Variants in TOPAZ1 observed in about 807,000 individuals in gnomAD.
The protein encoded by TOPAZ1 is protein TOPAZ1.
Under a neutral mutation model 172.2 loss-of-function variants are expected in TOPAZ1, and 66 were observed. The ratio of observed to expected loss-of-function variants is 0.38; its 90% confidence interval spans 0.31 to 0.47. The LOEUF (loss-of-function observed/expected upper bound fraction) is 0.47, where lower values mean the gene tolerates loss of function less well. Among genes scored for constraint, TOPAZ1 ranks in the 20% least tolerant of loss-of-function variants. The pLI is 0.99. For missense variants in TOPAZ1, 1,822 were observed against 1,972.4 expected (o/e 0.92, Z 1.44); for synonymous variants, 681 against 683.9 (o/e 1.00, Z 0.07).
chr3:44,242,437 G>T, intron 1 of TOPAZ1, 38 bp downstream of exon 1: 1 of 1,537,312 alleles, frequency 6.5e-7, no homozygotes. Flanking sequence ...TTTAGCCCTT[G>T]TACCTCAGCG....
chr3:44,302,490 C>T (rs930853341), intron 12 of TOPAZ1, among the ~76,000 whole-genome samples: 4 of 152,186 alleles, frequency 2.6e-5, no homozygotes, highest in South Asian at 2.1e-4. Context: ...TACTAAATTT[C>T]ATATACAATG....
chr3:44,248,448 A>T (rs1179639058), intron 2 of TOPAZ1, among the ~76,000 whole-genome samples: 1 of 152,176 alleles, frequency 6.6e-6, no homozygotes, highest in African/African-American at 2.4e-5. Context: ...AAACAAACTT[A>T]AACATTTTCT....
chr3:44,302,776 T>C (rs375971809), intron 12 of TOPAZ1, among the ~76,000 whole-genome samples: 6 of 152,338 alleles, frequency 3.9e-5, no homozygotes, highest in South Asian at 2.1e-4. Flanking sequence ...TTTTGGGTGC[T>C]ATTGTGAATG....
intron 17 of TOPAZ1, among the ~76,000 whole-genome samples, chr3:44,322,556 T>C (rs888463975): frequency 5.9e-5 from 9 of 152,192 alleles, no homozygotes; most frequent in African/African-American, 2.2e-4. Context: ...CTTTTTCGTT[T>C]CTGACTTAGA....
At position 44,242,173 on chromosome 3, in the gene TOPAZ1, C is replaced by CG. The variant is rs759018880; in HGVS notation, c.126dup (p.Cys43ValfsTer5). The CG allele has an allele frequency of 4.5e-6, 7 of 1,540,782 alleles. No individual in the cohort carries two copies. The highest frequency in any genetic ancestry group is 2.5e-5 in the East Asian group (1 of 40,358). On this transcript the variant is annotated frameshift_variant, in exon 1 of 20. Transcript: ENST00000309765. LOFTEE classifies it high-confidence loss of function. ...CGGCGGGAGGCTGTGGCCCTGAGGCCGGGGGGTGCCGGGAAAATAAGCAAA... is the reference window on the plus strand; with the variant it reads ...CGGCGGGAGGCTGTGGCCCTGAGGCCGGGGGGGTGCCGGGAAAATAAGCAAA...
In TOPAZ1 at chr3:44,331,986, A is replaced by C; in HGVS notation, c.5054A>C (p.Lys1685Thr). 6.5e-7 allele frequency: 1 copy of C among 1,550,266 alleles called. No homozygotes were observed. Among genetic ancestry groups the C allele is most frequent in the East Asian group, 2.4e-5 (1 of 40,868 alleles). Residue 1685 changes from lysine to threonine, a missense_variant, in exon 20 of 20, where the codon AAG (lysine) becomes ACG (threonine). Lys to Thr is a moderately conservative substitution (Grantham distance 78). Transcript: ENST00000309765. ...WLKENMKWAG[K>T]VWLFSNH ...AAAGAGAATATGAAGTGGGCTGGAA[A>C]GGTTTGGCTTTTCAGTAACCATTAG...
At chr3:44,259,229 T>G (rs936554187) in intron 4 of TOPAZ1, among the ~76,000 whole-genome samples, 10 of 147,998 alleles carry the variant, frequency 6.8e-5, no homozygotes, top group Admixed American at 6.7e-4. Flanking sequence ...TCCATCTTTT[T>G]GAGTGTAGAC....
Position 44,276,648 on chromosome 3 carries a change from TTTTTTCC to T in TOPAZ1, c.3373-5319_3373-5313del, listed in dbSNP as rs1329492791. On this transcript the variant is annotated intron_variant, in intron 8 of 19. Coordinates refer to ENST00000309765, the MANE Select transcript of TOPAZ1 (RefSeq NM_001145030.2). ...TCTTTTTTTTTTTTTTTTTTTTTTT[TTTTTTCC>T]AGAATTGCTTGGCCTATTCTGGCTC... Among the ~76,000 whole-genome samples, 34 of 64,064 alleles carry T rather than the reference TTTTTTCC, an allele frequency of 5.3e-4. No individual in the cohort carries two copies. The East Asian group carries it at 6.0e-3, about 11-fold the overall frequency. 42.0% of individuals were successfully genotyped at this position (64,064 alleles called of 152,430 possible).
chr3:44,305,746 T>G (rs1700329689), intron 14 of TOPAZ1, among the ~76,000 whole-genome samples: 1 of 152,200 alleles, frequency 6.6e-6, no homozygotes, highest in South Asian at 2.1e-4. Flanking sequence ...TTGAATATTT[T>G]CCATGTTGTG....
At chr3:44,246,538 C>G (rs778403394) in intron 2 of TOPAZ1, among the ~76,000 whole-genome samples, 8 of 151,994 alleles carry the variant, frequency 5.3e-5, no homozygotes, top group Non-Finnish European at 1.2e-4. Flanking sequence ...AATGGAGAAC[C>G]AAGAGTTTTA....
intron 2 of TOPAZ1, among the ~76,000 whole-genome samples, chr3:44,250,793 T>A (rs1378536887): frequency 2.2e-4 from 34 of 152,316 alleles, no homozygotes; most frequent in Admixed American, 2.2e-3. Context: ...GAAGAAACAT[T>A]ATTCTGATTT....
At chr3:44,250,773 T>A (rs1699621201) in intron 2 of TOPAZ1, among the ~76,000 whole-genome samples, 2 of 152,174 alleles carry the variant, frequency 1.3e-5, no homozygotes, top group African/African-American at 4.8e-5. Context: ...AAGTAGCAGG[T>A]GGGGACTATG....
rs1014306948 is a variant in TOPAZ1 at position 44,244,971 on chromosome 3, G to T, written c.2465G>T (p.Cys822Phe). 3.9e-6 allele frequency: 6 copies of T among 1,551,668 alleles called. No homozygotes were observed. The East Asian group carries it at 1.5e-4, about 38-fold the overall frequency. Residue 822 changes from cysteine (C) to phenylalanine (F), a missense_variant, in exon 2 of 20, where the codon TGC becomes TTC. Physicochemically the swap from Cys to Phe is radical, Grantham distance 205 (BLOSUM62 -2). Transcript: ENST00000309765. ...TATGTAGAGAAAAGTCCTTCCTTCT[G>T]CTGTAATGAACAAGAAACATTCCGA... Reference protein sequence around the residue: ...PGYVEKSPSFCCNEQETFRPV... With the variant: ...PGYVEKSPSFFCNEQETFRPV...
At chr3:44,314,964 T>C (rs1285734773) in intron 16 of TOPAZ1, among the ~76,000 whole-genome samples, 1 of 152,176 alleles carries the variant, frequency 6.6e-6, no homozygotes, top group Admixed American at 6.5e-5. Context: ...CCATACCCCC[T>C]CAAGTCGCTC....
At chr3:44,307,911 T>C (rs1198292227) in intron 15 of TOPAZ1, among the ~76,000 whole-genome samples, 1 of 152,128 alleles carries the variant, frequency 6.6e-6, no homozygotes, top group Non-Finnish European at 1.5e-5. Context: ...AGGTTGGTCA[T>C]AGCATTAATT....
At chr3:44,326,879 T>C (rs1252454925) in intron 18 of TOPAZ1, among the ~76,000 whole-genome samples, 1 of 152,232 alleles carries the variant, frequency 6.6e-6, no homozygotes, top group Non-Finnish European at 1.5e-5. Context: ...ATCGTATTAG[T>C]AGATTTCTAG....
At chr3:44,255,065 A>G (rs1699681779) in intron 3 of TOPAZ1, 36 bp downstream of exon 3, 1 of 1,476,202 alleles carries the variant, frequency 6.8e-7, no homozygotes, top group Non-Finnish European at 9.3e-7. Context: ...GCAATATTGA[A>G]GCATCTCTTT....
chr3:44,253,102 C>T (rs1368161761), intron 2 of TOPAZ1, among the ~76,000 whole-genome samples: 1 of 152,156 alleles, frequency 6.6e-6, no homozygotes. Flanking sequence ...TGTGCAAAAG[C>T]TGTCATGAAG....
intron 16 of TOPAZ1, among the ~76,000 whole-genome samples, chr3:44,320,063 A>T (rs1027850287): frequency 2.6e-5 from 4 of 152,214 alleles, no homozygotes; most frequent in African/African-American, 9.6e-5. Flanking sequence ...TCTGTACTAC[A>T]GTCTCCCATT....
Sources: allele counts gnomAD v4.1 joint callset (sites outside exome capture counted in the v4.1 genomes callset), GRCh38; gene constraint gnomAD v4.1.1; transcripts MANE v1.5; gene names NCBI Gene and HGNC (gene_info 2026-07-23, HGNC 2026-07-21).